The following CACNA1E variants were observed in gnomAD, a reference collection of about 807,000 sequenced individuals.
CACNA1E encodes calcium voltage-gated channel subunit alpha1 E.
A neutral mutation model predicts 259.2 loss-of-function variants in CACNA1E; 40 were observed. That is an observed-to-expected ratio of 0.15 (90% confidence interval 0.12 to 0.20). The LOEUF (loss-of-function observed/expected upper bound fraction) is 0.20, where lower values mean the gene tolerates loss of function less well. Among genes scored for constraint, CACNA1E ranks in the 10% least tolerant of loss-of-function variants. The pLI, the probability that CACNA1E is intolerant of heterozygous loss-of-function variation, is 1.00. For synonymous variants in CACNA1E, 1,104 were observed against 1,138.5 expected (o/e 0.97, Z 0.61); for missense variants, 1,874 against 3,040.1 (o/e 0.62, Z 9.02).
At chr1:181,384,441 G>A (rs1382880976) in intron 1 of CACNA1E, among the ~76,000 whole-genome samples, 2 of 152,120 alleles carry the variant, frequency 1.3e-5, no homozygotes, top group Non-Finnish European at 2.9e-5. Context: ...TTTTATTGGG[G>A]AAAAATGGAG....
chr1:181,586,786 A>C (rs1029507469), intron 6 of CACNA1E, among the ~76,000 whole-genome samples: 1 of 152,224 alleles, frequency 6.6e-6, no homozygotes, highest in African/African-American at 2.4e-5. Flanking sequence ...ATTTGAATCA[A>C]ATGCTTCAGA....
chr1:181,617,124 C>T (rs1033765540), intron 6 of CACNA1E, among the ~76,000 whole-genome samples: 1 of 152,018 alleles, frequency 6.6e-6, no homozygotes, highest in African/African-American at 2.4e-5. Flanking sequence ...CTCAAAGAAC[C>T]AATTTTTGGT....
At chr1:181,774,490 G>A (rs1659793752) in intron 37 of CACNA1E, among the ~76,000 whole-genome samples, 1 of 152,230 alleles carries the variant, frequency 6.6e-6, no homozygotes, top group Non-Finnish European at 1.5e-5. Flanking sequence ...AGTGAAGTCT[G>A]GAGGAAGGCA....
chr1:181,635,481 T>C (rs1429662090), intron 6 of CACNA1E, among the ~76,000 whole-genome samples: 1 of 152,154 alleles, frequency 6.6e-6, no homozygotes, highest in Non-Finnish European at 1.5e-5. Context: ...GTTCTCTCTC[T>C]CTCTCTTTTT....
At chr1:181,589,485 C>T (rs1416092544) in intron 6 of CACNA1E, among the ~76,000 whole-genome samples, 1 of 152,024 alleles carries the variant, frequency 6.6e-6, no homozygotes, top group Non-Finnish European at 1.5e-5. Context: ...ATAGGGCAAA[C>T]TAAATATAGC....
At chr1:181,566,133 T>G (rs1649802452) in intron 3 of CACNA1E, among the ~76,000 whole-genome samples, 1 of 152,220 alleles carries the variant, frequency 6.6e-6, no homozygotes, top group African/African-American at 2.4e-5. Flanking sequence ...AGAATGCATT[T>G]GTCAAATATA....
intron 1 of CACNA1E, among the ~76,000 whole-genome samples, chr1:181,333,522 C>T (rs1651447404): frequency 6.6e-6 from 1 of 152,200 alleles, no homozygotes; most frequent in Admixed American, 6.5e-5. Context: ...TCCAATAAAA[C>T]TTTATTTATA....
At chr1:181,763,731 T>C (rs1658786617) in intron 34 of CACNA1E, among the ~76,000 whole-genome samples, 200 bp downstream of exon 34, 1 of 152,250 alleles carries the variant, frequency 6.6e-6, no homozygotes, top group Non-Finnish European at 1.5e-5. Flanking sequence ...TTATGTCTAC[T>C]GGATAGAATC....
intron 2 of CACNA1E, among the ~76,000 whole-genome samples, chr1:181,440,200 C>T (rs945989204): frequency 5.9e-5 from 9 of 151,938 alleles, no homozygotes; most frequent in Non-Finnish European, 1.2e-4. Context: ...CATGAGTGTG[C>T]GGGGGAAAGA....
intron 7 of CACNA1E, among the ~76,000 whole-genome samples, chr1:181,673,613 G>A (rs1293999526): frequency 6.6e-6 from 1 of 152,144 alleles, no homozygotes; most frequent in Non-Finnish European, 1.5e-5. Context: ...AGAGTGAGCC[G>A]GAGAGCAGAT....
intron 7 of CACNA1E, among the ~76,000 whole-genome samples, chr1:181,697,245 G>A (rs1224007990): frequency 6.6e-6 from 1 of 152,220 alleles, no homozygotes; most frequent in African/African-American, 2.4e-5. Flanking sequence ...AATCCTAAGG[G>A]CCTCAGGTGG....
intron 39 of CACNA1E, 106 bp from the exon 40 acceptor site, chr1:181,783,572 CT>C (rs1189603980): frequency 3.2e-6 from 2 of 627,422 alleles, no homozygotes; most frequent in Admixed American, 5.2e-5. Flanking sequence ...CCTTGCCCTT[CT>C]TTTTCGTCTG....
In CACNA1E at chr1:181,726,157, G is replaced by C. The variant is rs772107111; in HGVS notation, c.2235G>C (p.Ser745=). The C allele has an allele frequency of 1.9e-6, 3 of 1,609,598 alleles. No homozygotes were observed. The highest frequency in any genetic ancestry group is 1.1e-5 in the South Asian group (1 of 90,162). The change falls in exon 18 of 48, where the codon TCG becomes TCC. Residue 745 remains serine (S), a synonymous_variant. Coordinates refer to ENST00000367573, the MANE Select transcript of CACNA1E (RefSeq NM_001205293.3). ...VSPMSAPNMP[S]IERDRRRRHH... is the part of the protein sequence containing the mutation. ...CGATGTCTGCACCCAACATGCCTTC[G>C]ATCGAGTGAGTCAGCTGCCCCCTTC...
chr1:181,793,675 T>G lies in CACNA1E; in HGVS notation c.5909T>G (p.Val1970Gly). 1.9e-6 allele frequency: 3 copies of G among 1,609,666 alleles called. No individual in the cohort carries two copies. Among genetic ancestry groups the G allele is most frequent in the Non-Finnish European group, 2.5e-6 (3 of 1,178,638 alleles). ...FQERQSLEPE[V>G]SELKSVQPSN... is the part of the protein sequence containing the mutation. ...TGTGTTTATTTCCAGGAGCCAGAGG[T>G]TAGTGAATTAAAAAGCGTGCAGCCC... Residue 1970 changes from valine to glycine, a missense_variant, in exon 45 of 48, where the codon GTT becomes GGT. Transcript: ENST00000367573.
At chr1:181,681,243 T>C (rs1311398013) in intron 7 of CACNA1E, among the ~76,000 whole-genome samples, 2 of 152,222 alleles carry the variant, frequency 1.3e-5, no homozygotes, top group African/African-American at 4.8e-5. Flanking sequence ...CTCAGATCCA[T>C]GTCCCCAACT....
At chr1:181,734,420 C>T (rs571977304) in intron 21 of CACNA1E, among the ~76,000 whole-genome samples, 1 of 152,072 alleles carries the variant, frequency 6.6e-6, no homozygotes, top group Non-Finnish European at 1.5e-5. Context: ...CCCTACATCC[C>T]ATCCCTGTAT....
intron 7 of CACNA1E, among the ~76,000 whole-genome samples, chr1:181,659,852 C>CA (rs1404892500): frequency 6.6e-6 from 1 of 152,192 alleles, no homozygotes; most frequent in Non-Finnish European, 1.5e-5. Context: ...CCAGAGGTTA[C>CA]AATTTCTCAA....
At chr1:181,516,537 A>T (rs1666599649) in intron 3 of CACNA1E, among the ~76,000 whole-genome samples, 1 of 152,328 alleles carries the variant, frequency 6.6e-6, no homozygotes, top group South Asian at 2.1e-4. Flanking sequence ...ATTTGAACCC[A>T]GGCCAGTTTG....
intron 7 of CACNA1E, among the ~76,000 whole-genome samples, chr1:181,694,725 C>CA (rs1651533237): frequency 6.6e-6 from 1 of 152,098 alleles, no homozygotes; most frequent in African/African-American, 2.4e-5. Flanking sequence ...TATAGTGGCA[C>CA]AAAATAGCTT....
Sources: allele counts gnomAD v4.1 joint callset (sites outside exome capture counted in the v4.1 genomes callset), GRCh38; gene constraint gnomAD v4.1.1; transcripts MANE v1.5; gene names NCBI Gene and HGNC (gene_info 2026-07-23, HGNC 2026-07-21).